MYO16: variants seen among roughly 807,000 people sequenced by gnomAD.
The protein encoded by MYO16 is myosin XVI.
MYO16 carries 94 observed loss-of-function variants against 205.3 expected under a neutral mutation model. That is an observed-to-expected ratio of 0.46 (90% confidence interval 0.39 to 0.54). The LOEUF (loss-of-function observed/expected upper bound fraction) is 0.54. Ranked by LOEUF, MYO16 falls within the 20% of genes least tolerant of loss-of-function variation. The probability of loss-of-function intolerance (pLI) is 0.00; values close to 1 mark genes in which losing one functional copy is unlikely to be tolerated. For synonymous variants in MYO16, 988 were observed against 954.0 expected (o/e 1.04, Z -0.66); for missense variants, 2,315 against 2,387.5 (o/e 0.97, Z 0.63).
At chr13:108,528,985 T>A in the MYO16 span, among the ~76,000 whole-genome samples, 1 of 151,846 alleles carries the variant, frequency 6.6e-6, no homozygotes, top group Non-Finnish European at 1.5e-5. Context: ...GAAAACTGCA[T>A]ACTCCTTTTA....
chr13:108,573,443 T>A, the MYO16 span, among the ~76,000 whole-genome samples: 1 of 152,238 alleles, frequency 6.6e-6, no homozygotes, highest in Non-Finnish European at 1.5e-5. Flanking sequence ...AAAAATTAAT[T>A]GTGTATAATT....
chr13:108,760,739 G>A (rs1373777216), intron 4 of MYO16, among the ~76,000 whole-genome samples: 3 of 152,268 alleles, frequency 2.0e-5, no homozygotes, highest in East Asian at 3.9e-4. Context: ...CACAGAGGCT[G>A]GGAAGGGGAA....
At chr13:109,131,123 G>C (rs562143303) in intron 31 of MYO16, among the ~76,000 whole-genome samples, 2 of 152,146 alleles carry the variant, frequency 1.3e-5, no homozygotes, top group Non-Finnish European at 2.9e-5. Flanking sequence ...GTGAACCTTG[G>C]TTTCGCAGGA....
At chr13:108,911,472 A>T (rs919833834) in intron 16 of MYO16, among the ~76,000 whole-genome samples, 1 of 152,062 alleles carries the variant, frequency 6.6e-6, no homozygotes, top group Non-Finnish European at 1.5e-5. Flanking sequence ...TGTCCAAGGG[A>T]GATGGAAGTG....
the MYO16 span, among the ~76,000 whole-genome samples, chr13:108,584,649 G>A: frequency 6.6e-6 from 1 of 152,006 alleles, no homozygotes; most frequent in African/African-American, 2.4e-5. Flanking sequence ...CAGCTTCCAG[G>A]ATCCAACATT....
chr13:108,876,479 G>A (rs2139151492), intron 12 of MYO16, among the ~76,000 whole-genome samples: 1 of 151,700 alleles, frequency 6.6e-6, no homozygotes, highest in Non-Finnish European at 1.5e-5. Context: ...ATAAACATAG[G>A]GTAAGTACCA....
At chr13:108,544,649 T>A in the MYO16 span, among the ~76,000 whole-genome samples, 3 of 152,224 alleles carry the variant, frequency 2.0e-5, no homozygotes, top group African/African-American at 7.2e-5. Context: ...AAATTATGAT[T>A]GATTTTAGAT....
Position 108,958,232 on chromosome 13 carries a change from A to G in MYO16, c.2037+433A>G, listed in dbSNP as rs945931494. Among the ~76,000 whole-genome samples the G allele has an allele frequency of 2.7e-5, 4 of 147,718 alleles. No individual in the cohort carries two copies. In the South Asian group the frequency reaches 6.3e-4, roughly 23 times the overall value. On this transcript the variant is annotated intron_variant, in intron 17 of 34. Coordinates refer to ENST00000457511, the MANE Select transcript of MYO16 (RefSeq NM_001198950.3). ...ATATTTATAAAATATAATTTAATAT[A>G]TTTAAATATATATAATATTCAACAT...
chr13:108,957,793 C>T lies in MYO16; in HGVS notation c.2031C>T (p.Ser677=), dbSNP rs1883432749. Residue 677 remains serine, a synonymous_variant, in exon 17 of 35, where the codon AGC becomes AGT. Transcript: ENST00000457511. ...GAGCCCTGAATGTAGTTGGCTTCAG[C>T]AGCTTGGTGAGTCATGTCATAAATA... ...LKRALNVVGF[S]SLEVENLFVI... 1 of 1,610,726 alleles carries T rather than the reference C, an allele frequency of 6.2e-7. No individual in the cohort carries two copies. Among genetic ancestry groups the T allele is most frequent in the African/African-American group, 1.3e-5 (1 of 74,852 alleles).
At chr13:108,497,586 T>C in the MYO16 span, among the ~76,000 whole-genome samples, 2 of 152,234 alleles carry the variant, frequency 1.3e-5, no homozygotes, top group Non-Finnish European at 2.9e-5. Context: ...CCAATACAAT[T>C]TCATCTAGAG....
chr13:108,604,169 C>A (rs192492537), intron 1 of MYO16, among the ~76,000 whole-genome samples: 147 of 152,184 alleles, frequency 9.7e-4, no homozygotes, highest in African/African-American at 3.4e-3. Context: ...TGATTAATCA[C>A]CCCCCATGAG....
intron 4 of MYO16, among the ~76,000 whole-genome samples, chr13:108,753,204 C>A (rs190901699): frequency 1.8e-4 from 27 of 151,716 alleles, no homozygotes; most frequent in Admixed American, 1.7e-3. Context: ...CCTGTCTCTA[C>A]TAAGAATACA....
At chr13:108,611,063 C>A (rs1474433365) in intron 1 of MYO16, among the ~76,000 whole-genome samples, 2 of 152,108 alleles carry the variant, frequency 1.3e-5, no homozygotes, top group African/African-American at 2.4e-5. Context: ...CATTAGGTAT[C>A]ACATATATCA....
intron 5 of MYO16, among the ~76,000 whole-genome samples, chr13:108,789,560 G>T (rs1335783398): frequency 1.3e-5 from 2 of 152,202 alleles, no homozygotes; most frequent in Non-Finnish European, 2.9e-5. Context: ...GACTACATAA[G>T]ATGGTCGCAA....
At chr13:109,045,873 A>G (rs1887024659) in intron 23 of MYO16, among the ~76,000 whole-genome samples, 1 of 152,146 alleles carries the variant, frequency 6.6e-6, no homozygotes, top group South Asian at 2.1e-4. Context: ...CAAAATTCCC[A>G]AAGAACTCAG....
chr13:109,123,814 A>C lies in MYO16; in HGVS notation c.3536-1298A>C, dbSNP rs901287259. Among the ~76,000 whole-genome samples the C allele has an allele frequency of 3.3e-5, 5 of 152,346 alleles. No homozygotes were observed. In the East Asian group the frequency reaches 9.6e-4, roughly 29 times the overall value. On this transcript the variant is annotated intron_variant, in intron 29 of 34. Coordinates refer to ENST00000457511, the MANE Select transcript of MYO16 (RefSeq NM_001198950.3). ...AAGTAAACACATCAAAGTTAATATC[A>C]TAGGTACCCCTCATATTTATTATTT... is the stretch of plus-strand genomic sequence containing the variant.
At chr13:108,616,065 C>T (rs532030047) in intron 1 of MYO16, among the ~76,000 whole-genome samples, 44 of 152,268 alleles carry the variant, frequency 2.9e-4, no homozygotes, top group Non-Finnish European at 5.7e-4. Context: ...TTACATGTGG[C>T]TGATGATTTT....
In MYO16 at chr13:109,125,741, T is replaced by C. The variant is rs1440803091; in HGVS notation, c.3782+383T>C. On this transcript the variant is annotated intron_variant, in intron 30 of 34. Transcript: ENST00000457511. The surrounding 1 kb of genome is among the most constrained non-coding windows in gnomAD (Gnocchi z 4.0). ...TATAAGGCTGGCTTATAGAAACTTC[T>C]GGAAATCTGACCCAAAAAATGGAGA... 2.0e-5 allele frequency among the ~76,000 whole-genome samples: 3 copies of C among 152,344 alleles called. No homozygotes were observed. The East Asian group carries it at 5.8e-4, about 29-fold the overall frequency.
chr13:108,932,193 T>C (rs1034149232), intron 16 of MYO16, among the ~76,000 whole-genome samples: 2 of 152,240 alleles, frequency 1.3e-5, no homozygotes, highest in African/African-American at 4.8e-5. Context: ...AAATACTGTT[T>C]CTTGTTCTTT....
Sources: allele counts gnomAD v4.1 joint callset (sites outside exome capture counted in the v4.1 genomes callset), GRCh38; gene constraint gnomAD v4.1.1; non-coding constraint Gnocchi (gnomAD v3.1); transcripts MANE v1.5; gene names NCBI Gene and HGNC (gene_info 2026-07-23, HGNC 2026-07-21).